The following FSD2 variants were observed in gnomAD, a reference collection of about 807,000 sequenced individuals.
FSD2 encodes fibronectin type III and SPRY domain containing 2.
A neutral mutation model predicts 80.4 loss-of-function variants in FSD2; 71 were observed. That is an observed-to-expected ratio of 0.88 (90% CI 0.73 to 1.08). FSD2 has a LOEUF of 1.08. FSD2 is among the 50% of genes least tolerant of loss of function. FSD2 has a pLI of 0.00. For synonymous variants in FSD2, 361 were observed against 329.5 expected, an observed-to-expected ratio of 1.10 and a Z score of -1.03; for missense variants, 923 against 913.8, an observed-to-expected ratio of 1.01 and a Z score of -0.13.
At chr15:82,773,226 G>A (rs1382922871) in intron 6 of FSD2, among the ~76,000 whole-genome samples, 2 of 152,206 alleles carry the variant, frequency 1.3e-5, no homozygotes, top group Non-Finnish European at 2.9e-5. Flanking sequence ...GGTTGAAATT[G>A]ATCAACCCAT....
intron 3 of FSD2, 69 bp from the exon 4 acceptor site, chr15:82,783,094 T>G (rs1287639125): frequency 1.7e-6 from 2 of 1,172,388 alleles, no homozygotes; most frequent in Non-Finnish European, 2.5e-6. Context: ...TTTTGTTTTT[T>G]GTTTTTTTGT....
chr15:82,793,840 C>T (rs2050201497), intron 1 of FSD2, among the ~76,000 whole-genome samples: 2 of 151,426 alleles, frequency 1.3e-5, no homozygotes, highest in Admixed American at 1.3e-4. Context: ...GTAGTAATGC[C>T]CCCTTTTTCA....
chr15:82,783,666 T>C (rs1257114977), intron 3 of FSD2, among the ~76,000 whole-genome samples: 1 of 152,194 alleles, frequency 6.6e-6, no homozygotes, highest in Non-Finnish European at 1.5e-5. Flanking sequence ...CTGCCCGATA[T>C]TGGACCTTAA....
intron 4 of FSD2, among the ~76,000 whole-genome samples, chr15:82,781,825 C>G (rs566412473): frequency 6.6e-6 from 1 of 150,924 alleles, no homozygotes; most frequent in African/African-American, 2.4e-5. Context: ...TTTGGGAGGC[C>G]GAGGCAGGTG....
chr15:82,771,944 C>T (rs974424418), intron 7 of FSD2, 129 bp downstream of exon 7: 113 of 973,568 alleles, frequency 1.2e-4, no homozygotes, highest in Non-Finnish European at 1.4e-4. Context: ...CACCTGCCTG[C>T]ATCCAATCCT....
intron 1 of FSD2, among the ~76,000 whole-genome samples, chr15:82,804,636 T>C (rs1033154389): frequency 1.3e-5 from 2 of 152,116 alleles, no homozygotes; most frequent in African/African-American, 4.8e-5. Context: ...CAAAGGGAAA[T>C]AGCCAGGATT....
chr15:82,765,444 T>C, intron 10 of FSD2, 146 bp from the exon 11 acceptor site: 1 of 1,001,640 alleles, frequency 1.0e-6, no homozygotes, highest in Non-Finnish European at 1.5e-6. Context: ...AGGATGGCAA[T>C]TGACACTCAT....
intron 11 of FSD2, among the ~76,000 whole-genome samples, chr15:82,763,415 A>G (rs540743164): frequency 2.6e-5 from 4 of 152,322 alleles, no homozygotes; most frequent in African/African-American, 9.6e-5. Context: ...TGTTTTAAGT[A>G]TTCTCATCCG....
At chr15:82,765,467 T>A (rs567335310) in intron 10 of FSD2, among the ~76,000 whole-genome samples, 169 bp from the exon 11 acceptor site, 3 of 152,310 alleles carry the variant, frequency 2.0e-5, no homozygotes, top group East Asian at 3.9e-4. Flanking sequence ...GGCAGTCTTG[T>A]GTGCCTAGTA....
chr15:82,782,511 C>G (rs2049890892), intron 4 of FSD2, among the ~76,000 whole-genome samples: 1 of 152,214 alleles, frequency 6.6e-6, no homozygotes, highest in African/African-American at 2.4e-5. Context: ...GTGACCAGAA[C>G]AGAGGAACAA....
In FSD2 at chr15:82,772,195, G is replaced by A. The variant is rs371302622; in HGVS notation, c.1145C>T (p.Pro382Leu). 1.5e-5 allele frequency: 24 copies of A among 1,612,516 alleles called. No homozygotes were observed. Among genetic ancestry groups the A allele is most frequent in the Non-Finnish European group, 1.9e-5 (22 of 1,179,438 alleles). ...PSAPVINPQVPNSATGSSVRV... is the reference protein window; with the variant it reads ...PSAPVINPQVLNSATGSSVRV... ...GACTGAGGAACCTGTGGCTGAGTTA[G>A]GGACCTGTGGATTTATGACTGGAGC... is the stretch of plus-strand genomic sequence containing the variant. Residue 382 changes from proline to leucine, a missense_variant, in exon 7 of 13, where the codon CCT (proline) becomes CTT (leucine). Coordinates refer to ENST00000334574, the MANE Select transcript of FSD2 (RefSeq NM_001007122.4).
intron 1 of FSD2, among the ~76,000 whole-genome samples, chr15:82,803,264 G>A (rs1170914022): frequency 6.6e-6 from 1 of 152,028 alleles, no homozygotes; most frequent in Non-Finnish European, 1.5e-5. Flanking sequence ...GCGCACCATG[G>A]TCCTTCCTCA....
Position 82,759,114 on chromosome 15 carries a change from C to T in FSD2, c.*234G>A. ...GACTTTTGAGTTCGTTTAGTCTGAGCCTTTATTTTACAGCTGGGCCTGGTA... is the reference window on the plus strand; with the variant it reads ...GACTTTTGAGTTCGTTTAGTCTGAGTCTTTATTTTACAGCTGGGCCTGGTA... On this transcript the variant is annotated 3_prime_UTR_variant, in exon 13 of 13. Transcript: ENST00000334574. 1 of 507,950 alleles carries T rather than the reference C, an allele frequency of 2.0e-6. No individual in the cohort carries two copies. 31.5% of individuals were successfully genotyped at this position (507,950 alleles called of 1,614,324 possible). A position where few individuals can be genotyped will look rare whatever the true frequency, so the allele number is the denominator to read the frequency against.
chr15:82,759,816 T>C (rs2379993), intron 12 of FSD2, among the ~76,000 whole-genome samples: 126,920 of 151,540 alleles, frequency 0.84, 53,663 homozygotes, highest in African/African-American at 0.95. Context: ...TTTTTTTAGA[T>C]GGAGTCTTGC....
intron 7 of FSD2, among the ~76,000 whole-genome samples, chr15:82,771,425 C>A (rs1380490395): frequency 6.6e-6 from 1 of 152,216 alleles, no homozygotes; most frequent in African/African-American, 2.4e-5. Flanking sequence ...GTTGTCTGAC[C>A]CTCCCTCCTT....
rs368324992 is a variant in FSD2, at chr15:82,771,567, C to T, written c.1267+506G>A. ...GCCCAGAGTGGAGGCCGGGGGCCAT[C>T]TCAGGAGTTGTCTTCTCCTGGGAAC... is the stretch of plus-strand genomic sequence containing the variant. On this transcript the variant is annotated intron_variant, in intron 7 of 12. Transcript: ENST00000334574. Among the ~76,000 whole-genome samples, 61 of 152,362 alleles carry T rather than the reference C, an allele frequency of 4.0e-4. 1 individual carries two copies. In the East Asian group the frequency reaches 4.8e-3, roughly 12 times the overall value.
At chr15:82,760,321 A>G (rs1042759071) in intron 12 of FSD2, among the ~76,000 whole-genome samples, 12 of 152,212 alleles carry the variant, frequency 7.9e-5, no homozygotes, top group African/African-American at 2.7e-4. Flanking sequence ...AAACTTTCAT[A>G]TTGAGTGGGG....
In FSD2 at chr15:82,759,618, C is replaced by A; in HGVS notation, c.1998-18G>T. The A allele has an allele frequency of 6.5e-7, 1 of 1,529,512 alleles. No homozygotes were observed. Among genetic ancestry groups the A allele is most frequent in the South Asian group, 1.2e-5 (1 of 80,390 alleles). 94.7% of individuals were successfully genotyped at this position (1,529,512 alleles called of 1,614,324 possible). ...ACTTATGCCTGAAAATTAAATTTGA[C>A]ATAATAAAGTTTCAGTAATTCTATA... On this transcript the variant is annotated intron_variant, in intron 12 of 12. Coordinates refer to ENST00000334574, the MANE Select transcript of FSD2 (RefSeq NM_001007122.4).
intron 7 of FSD2, among the ~76,000 whole-genome samples, chr15:82,770,925 G>T (rs2049552377): frequency 6.6e-6 from 1 of 152,024 alleles, no homozygotes; most frequent in African/African-American, 2.4e-5. Context: ...GTATCTGCAG[G>T]GGGTGCTGAC....
Sources: allele counts gnomAD v4.1 joint callset (sites outside exome capture counted in the v4.1 genomes callset), GRCh38; gene constraint gnomAD v4.1.1; transcripts MANE v1.5; gene names NCBI Gene and HGNC (gene_info 2026-07-23, HGNC 2026-07-21).